Variants in ALOX12B observed in about 807,000 individuals in gnomAD.
The protein encoded by ALOX12B is arachidonate 12-lipoxygenase, 12R-type.
In ALOX12B, 47 loss-of-function variants were observed where a neutral mutation model predicts 78.9. The observed-to-expected ratio is 0.60, with a 90% CI of 0.47 to 0.76. ALOX12B has a LOEUF of 0.76. Ranked by LOEUF, ALOX12B falls within the 30% of genes least tolerant of loss-of-function variation. The pLI is 0.00. For missense variants in ALOX12B, 805 were observed against 922.6 expected (o/e 0.87, Z 1.65); for synonymous variants, 370 against 374.5 (o/e 0.99, Z 0.14).
Position 8,079,465 on chromosome 17 carries a change from C to A in ALOX12B, c.1002G>T (p.Gln334His), listed in dbSNP as rs1375548720. 1.3e-6 allele frequency: 2 copies of A among 1,550,922 alleles called. No homozygotes were observed. The highest frequency in any genetic ancestry group is 2.0e-5 in the Admixed American group (1 of 51,010). The change falls in exon 8 of 15, where the codon CAG becomes CAT. Residue 334 changes from glutamine to histidine, a missense_variant. Transcript: ENST00000647874. The surrounding 1 kb of genome is among the most constrained non-coding windows in gnomAD (Gnocchi z 6.4). Reference sequence around the variant, plus strand: ...GCAGGCAGAGGGGGGCGCAGTGGTGCTGCTTCCGGCCGCTGAGCTCCACGG... The same window carrying A: ...GCAGGCAGAGGGGGGCGCAGTGGTGATGCTTCCGGCCGCTGAGCTCCACGG... ...IPTVELSGRKQHHCAPLCLLH... is the reference protein window; with the variant it reads ...IPTVELSGRKHHHCAPLCLLH...
Position 8,073,225 on chromosome 17 carries a change from C to A in ALOX12B, c.1849G>T (p.Asp617Tyr), listed in dbSNP as rs1977017406. Reference protein sequence around the residue: ...KGLTTLETFMDTLPDVKTTCI... With the variant: ...KGLTTLETFMYTLPDVKTTCI... ...GTGGTCTTCACATCCGGCAACGTGT[C>A]CATGAAGGTCTCCAGAGTGGTCAGC... is the stretch of plus-strand genomic sequence containing the variant. The change falls in exon 14 of 15, where the codon GAC becomes TAC. Residue 617 changes from aspartate to tyrosine, a missense_variant. Coordinates refer to ENST00000647874, the MANE Select transcript of ALOX12B (RefSeq NM_001139.3). 6.2e-7 allele frequency: 1 copy of A among 1,614,074 alleles called. No homozygotes were observed. The highest frequency in any genetic ancestry group is 1.1e-5 in the South Asian group (1 of 91,080).
chr17:8,072,646 T>G lies in ALOX12B; in HGVS notation c.*125A>C. On this transcript the variant is annotated 3_prime_UTR_variant, in exon 15 of 15. Coordinates refer to ENST00000647874, the MANE Select transcript of ALOX12B (RefSeq NM_001139.3). ...ACAGCCAGACCCAGGGAAAGGAAGG[T>G]TTTTTGTTTTTTTGTTTGTTTGGTG... 7.3e-7 allele frequency: 1 copy of G among 1,377,234 alleles called. No individual in the cohort carries two copies. The highest frequency in any genetic ancestry group is 1.0e-6 in the Non-Finnish European group (1 of 978,966). The allele number at this position is 1,377,234 out of a possible 1,614,324, so 85.3% of individuals were successfully genotyped here.
At chr17:8,075,535 G>A in intron 12 of ALOX12B, 60 bp downstream of exon 12, 1 of 1,611,642 alleles carries the variant, frequency 6.2e-7, no homozygotes, top group Non-Finnish European at 8.5e-7. Context: ...TAGCAGACCT[G>A]CCTGGGGGCT....
At chr17:8,084,926 G>A (rs937055259) in intron 2 of ALOX12B, among the ~76,000 whole-genome samples, 1 of 152,202 alleles carries the variant, frequency 6.6e-6, no homozygotes, top group Non-Finnish European at 1.5e-5. Context: ...GCAGGGGTGG[G>A]TGCAAGGAGC....
At position 8,079,386 on chromosome 17, in the gene ALOX12B, G is replaced by A. The variant is rs1175241692; in HGVS notation, c.1071+10C>T. The A allele has an allele frequency of 1.3e-6, 2 of 1,552,642 alleles. No individual in the cohort carries two copies. The highest frequency in any genetic ancestry group is 1.2e-5 in the South Asian group (1 of 84,208). On this transcript the variant is annotated intron_variant, in intron 8 of 14. Coordinates refer to ENST00000647874, the MANE Select transcript of ALOX12B (RefSeq NM_001139.3). This position sits in a 1 kb window ranked among gnomAD's most constrained non-coding sequence, Gnocchi z 6.4. ...AGGCTCAGCGGCAGCGCCGCCTGCA[G>A]CCCAGGCACCTGGATGGCGATGGGC...
rs1233205411 is a variant in ALOX12B at position 8,080,499 on chromosome 17, C to A, written c.650+159G>T. ...TCTCAAGATCTTTGCATCTCTAGGT[C>A]TCTGGGATCATGTCTCAGGTTTTCT... is the stretch of plus-strand genomic sequence containing the variant. On this transcript the variant is annotated intron_variant, in intron 5 of 14. Coordinates refer to ENST00000647874, the MANE Select transcript of ALOX12B (RefSeq NM_001139.3). The surrounding 1 kb of genome is among the most constrained non-coding windows in gnomAD (Gnocchi z 4.8). The A allele has an allele frequency of 2.2e-6, 3 of 1,394,298 alleles. No individual in the cohort carries two copies. The allele number at this position is 1,394,298 out of a possible 1,614,324, so 86.4% of individuals were successfully genotyped here. A position where few individuals can be genotyped will look rare whatever the true frequency, so the allele number is the denominator to read the frequency against.
At chr17:8,076,897 G>A (rs1598178795) in intron 9 of ALOX12B, 93 bp downstream of exon 9, 1 of 1,459,412 alleles carries the variant, frequency 6.9e-7, no homozygotes, top group East Asian at 2.5e-5. Flanking sequence ...AGGCTGACTG[G>A]AGTCTCTCTG....
chr17:8,085,396 G>A (rs748381986), intron 2 of ALOX12B, among the ~76,000 whole-genome samples: 2 of 152,158 alleles, frequency 1.3e-5, no homozygotes, highest in African/African-American at 4.8e-5. Flanking sequence ...GCAGTGAGCC[G>A]AGATCGTGCC....
rs1284360982 is a variant in ALOX12B, at chr17:8,073,696, G to A, written c.1716C>T (p.Tyr572=). 2 of 1,614,178 alleles carry A rather than the reference G, an allele frequency of 1.2e-6. No homozygotes were observed. The highest frequency in any genetic ancestry group is 1.7e-6 in the Non-Finnish European group (2 of 1,180,014). Residue 572 remains tyrosine (Y), a synonymous_variant, in exon 13 of 15, where the codon TAC becomes TAT. Transcript: ENST00000647874. ...CAGCAGCGTGCTTGGCAGAGCAGGTGTAGATGACTATAGTGACATATCGGA... is the reference window on the plus strand; with the variant it reads ...CAGCAGCGTGCTTGGCAGAGCAGGTATAGATGACTATAGTGACATATCGGA... ...ELIRYVTIVI[Y]TCSAKHAAVN...
chr17:8,074,839 C>T (rs1056628693), intron 12 of ALOX12B, among the ~76,000 whole-genome samples: 28 of 152,312 alleles, frequency 1.8e-4, no homozygotes, highest in African/African-American at 3.8e-4. Context: ...CTGGCTTTCT[C>T]GACTTTCCAC....
In ALOX12B at chr17:8,076,992, T is replaced by A. The variant is rs1399602547; in HGVS notation, c.1273A>T (p.Lys425Ter). The change falls in exon 9 of 15, where the codon AAG becomes TAG. Residue 425 changes from lysine (K) to a stop codon, truncating the protein, a stop_gained and splice_region_variant. Transcript: ENST00000647874. LOFTEE classifies it high-confidence loss of function. Reference sequence around the variant, plus strand: ...GGCCCCTTCTCCCAAGCCCATACCTTGTAGAGGGGGTGGCACATGGGCAGG... The same window carrying A: ...GGCCCCTTCTCCCAAGCCCATACCTAGTAGAGGGGGTGGCACATGGGCAGG... ...RNLPMCHPLY[K>*]LLIPHTRYTV... is the part of the protein sequence containing the mutation. 1.9e-6 allele frequency: 3 copies of A among 1,613,120 alleles called. No homozygotes were observed. Among genetic ancestry groups the A allele is most frequent in the Non-Finnish European group, 2.5e-6 (3 of 1,179,802 alleles).
Position 8,087,381 on chromosome 17 carries a change from G to A in ALOX12B, c.62C>T (p.Ser21Phe), listed in dbSNP as rs1978304996. ...TGTCCCCACAATGGTCAGTGAGATG[G>A]AGTCCCGTGTTCCCGACAAGAGGTC... ...GTDLLSGTRDSISLTIVGTQG... is the reference protein window; with the variant it reads ...GTDLLSGTRDFISLTIVGTQG... The change falls in exon 1 of 15, where the codon TCC becomes TTC. Residue 21 changes from serine (S) to phenylalanine (F), a missense_variant. Coordinates refer to ENST00000647874, the MANE Select transcript of ALOX12B (RefSeq NM_001139.3). The A allele has an allele frequency of 6.2e-7, 1 of 1,614,118 alleles. No individual in the cohort carries two copies. Among genetic ancestry groups the A allele is most frequent in the East Asian group, 2.2e-5 (1 of 44,900 alleles).
Position 8,080,176 on chromosome 17 carries a change from C to A in ALOX12B, c.754+59G>T. ...CACTGCCCCGAAGTCGGGGGCCTGC[C>A]TAGCACGCCGGAGACCGCCTGGCTC... On this transcript the variant is annotated intron_variant, in intron 6 of 14. Coordinates refer to ENST00000647874, the MANE Select transcript of ALOX12B (RefSeq NM_001139.3). The surrounding 1 kb of genome is among the most constrained non-coding windows in gnomAD (Gnocchi z 4.8). 6.3e-7 allele frequency: 1 copy of A among 1,581,452 alleles called. No individual in the cohort carries two copies. The highest frequency in any genetic ancestry group is 8.7e-7 in the Non-Finnish European group (1 of 1,150,410).
Position 8,072,967 on chromosome 17 carries a change from C to T in ALOX12B, c.1927-17G>A. On this transcript the variant is annotated splice_polypyrimidine_tract_variant and intron_variant, in intron 14 of 14. Transcript: ENST00000647874. ...CAGGGGCCGCTGCGGGCAGAGAGCT[C>T]GACAGCTGGGACCAGGGCCGGCCAG... 6.2e-7 allele frequency: 1 copy of T among 1,608,132 alleles called. No individual in the cohort carries two copies. The highest frequency in any genetic ancestry group is 1.1e-5 in the South Asian group (1 of 90,658).
chr17:8,077,309 C>T (rs111946362), intron 8 of ALOX12B, 116 bp from the exon 9 acceptor site: 41 of 1,053,106 alleles, frequency 3.9e-5, no homozygotes, highest in African/African-American at 1.7e-4. Flanking sequence ...TCCTAAGCTC[C>T]GGTCCCACTG....
At position 8,080,006 on chromosome 17, in the gene ALOX12B, G is replaced by C; in HGVS notation, c.755-65C>G. 6.4e-7 allele frequency: 1 copy of C among 1,572,006 alleles called. No homozygotes were observed. The highest frequency in any genetic ancestry group is 8.6e-7 in the Non-Finnish European group (1 of 1,156,546). On this transcript the variant is annotated intron_variant, in intron 6 of 14. Coordinates refer to ENST00000647874, the MANE Select transcript of ALOX12B (RefSeq NM_001139.3). This position sits in a 1 kb window ranked among gnomAD's most constrained non-coding sequence, Gnocchi z 4.8. ...CCCCCTCGGGGACGGAGAGGCATGG[G>C]ACAGAAGAAGACTATGGGCACCGAG...
rs1317967459 is a variant in ALOX12B at position 8,080,000 on chromosome 17, G to C, written c.755-59C>G. The C allele has an allele frequency of 3.2e-6, 5 of 1,579,972 alleles. No individual in the cohort carries two copies. Among genetic ancestry groups the C allele is most frequent in the Non-Finnish European group, 4.3e-6 (5 of 1,162,022 alleles). The stretch of plus-strand genomic sequence containing the variant: ...CCCGGCCCCCCTCGGGGACGGAGAG[G>C]CATGGGACAGAAGAAGACTATGGGC... On this transcript the variant is annotated intron_variant, in intron 6 of 14. Transcript: ENST00000647874. The surrounding 1 kb of genome is among the most constrained non-coding windows in gnomAD (Gnocchi z 6.4).
chr17:8,073,342 G>A lies in ALOX12B; in HGVS notation c.1756-24C>T, dbSNP rs373528729. 1.4e-5 allele frequency: 23 copies of A among 1,613,914 alleles called. No individual in the cohort carries two copies. In the East Asian group the frequency reaches 1.8e-4, roughly 13 times the overall value. On this transcript the variant is annotated intron_variant, in intron 13 of 14. Transcript: ENST00000647874. ...ATCTGGAGGTGGGATAGAGGCGCGG[G>A]TCTGGGTGGAAGAGTACCTCAGGAG...
At chr17:8,085,140 TG>T (rs1412492088) in intron 2 of ALOX12B, among the ~76,000 whole-genome samples, 1 of 152,098 alleles carries the variant, frequency 6.6e-6, no homozygotes, top group Non-Finnish European at 1.5e-5. Flanking sequence ...GGTGTCCTGT[TG>T]GGAAAATAGG....
Sources: allele counts gnomAD v4.1 joint callset (sites outside exome capture counted in the v4.1 genomes callset), GRCh38; gene constraint gnomAD v4.1.1; non-coding constraint Gnocchi (gnomAD v3.1); transcripts MANE v1.5; gene names NCBI Gene and HGNC (gene_info 2026-07-23, HGNC 2026-07-21).